The following FBXL17 variants were observed in gnomAD, a reference collection of about 807,000 sequenced individuals.
The protein encoded by FBXL17 is F-box/LRR-repeat protein 17.
In FBXL17, 22 loss-of-function variants were observed where a neutral mutation model predicts 66.2. That is an observed-to-expected ratio of 0.33 (90% CI 0.24 to 0.47). The LOEUF (loss-of-function observed/expected upper bound fraction) is 0.47, where lower values mean the gene tolerates loss of function less well. FBXL17 is among the 20% of genes least tolerant of loss of function. The pLI, the probability that FBXL17 is intolerant of heterozygous loss-of-function variation, is 1.00. For synonymous variants in FBXL17, 474 were observed against 400.5 expected (o/e 1.18, Z -2.19); for missense variants, 878 against 948.2 (o/e 0.93, Z 0.97).
intron 6 of FBXL17, among the ~76,000 whole-genome samples, chr5:108,041,724 C>G (rs1002778160): frequency 6.6e-6 from 1 of 152,018 alleles, no homozygotes; most frequent in East Asian, 1.9e-4. Flanking sequence ...AGCCCCTTTT[C>G]TTTAAATAAC....
In FBXL17 at chr5:107,891,945, G is replaced by A. The variant is rs143000600; in HGVS notation, c.1823-10766C>T. Among the ~76,000 whole-genome samples, 17 of 152,092 alleles carry A rather than the reference G, an allele frequency of 1.1e-4. No individual in the cohort carries two copies. The East Asian group carries it at 1.4e-3, about 12-fold the overall frequency. ...AAACCCATCGTAAGTTGAAAATATC[G>A]TAACTTGAAAGTGCATTTAATATAC... is the stretch of plus-strand genomic sequence containing the variant. On this transcript the variant is annotated intron_variant, in intron 7 of 8. Transcript: ENST00000542267.
intron 6 of FBXL17, among the ~76,000 whole-genome samples, chr5:108,142,602 A>G (rs1751392381): frequency 6.6e-6 from 1 of 152,232 alleles, no homozygotes; most frequent in South Asian, 2.1e-4. Flanking sequence ...AAATAATATT[A>G]ATTAGTAATA....
At chr5:108,288,298 A>G (rs1757979235) in intron 4 of FBXL17, among the ~76,000 whole-genome samples, 1 of 151,642 alleles carries the variant, frequency 6.6e-6, no homozygotes, top group Non-Finnish European at 1.5e-5. Context: ...TGAAGGTAAC[A>G]TTTAGAAAAA....
rs184903786 is a variant in FBXL17, at chr5:107,888,677, T to C, written c.1823-7498A>G. ...TGAGATCCATCCACGTTGTTATGTA[T>C]ACTGGTAGTGTTATGTATACTGGTA... On this transcript the variant is annotated intron_variant, in intron 7 of 8. Coordinates refer to ENST00000542267, the MANE Select transcript of FBXL17 (RefSeq NM_001163315.3). 1.4e-4 allele frequency among the ~76,000 whole-genome samples: 21 copies of C among 152,230 alleles called. No homozygotes were observed. In the East Asian group the frequency reaches 4.1e-3, roughly 30 times the overall value.
intron 6 of FBXL17, among the ~76,000 whole-genome samples, chr5:108,044,500 T>C (rs550372423): frequency 1.3e-5 from 2 of 152,208 alleles, no homozygotes; most frequent in South Asian, 4.1e-4. Flanking sequence ...TAAATTCCAG[T>C]TGGCCATAGT....
intron 1 of FBXL17, among the ~76,000 whole-genome samples, chr5:108,377,091 G>A (rs1749490468): frequency 1.3e-5 from 2 of 152,138 alleles, no homozygotes; most frequent in Admixed American, 6.5e-5. Context: ...TTAGTTTTCA[G>A]CTATGTACAT....
chr5:108,300,714 C>T (rs1035333215), intron 4 of FBXL17, among the ~76,000 whole-genome samples: 3 of 151,128 alleles, frequency 2.0e-5, no homozygotes, highest in South Asian at 4.2e-4. Flanking sequence ...TCTCATTCAC[C>T]CACAAATAAA....
chr5:108,002,669 A>C (rs966432001), intron 7 of FBXL17, among the ~76,000 whole-genome samples: 27 of 152,220 alleles, frequency 1.8e-4, no homozygotes, highest in African/African-American at 5.8e-4. Flanking sequence ...AAAGTGGTAT[A>C]GCCATAAAAT....
intron 6 of FBXL17, among the ~76,000 whole-genome samples, chr5:108,150,512 T>C (rs1751727469): frequency 6.6e-6 from 1 of 152,208 alleles, no homozygotes; most frequent in South Asian, 2.1e-4. Flanking sequence ...CCCCCAATCA[T>C]GTTCTTAACA....
At chr5:107,938,112 C>T (rs550668557) in intron 7 of FBXL17, among the ~76,000 whole-genome samples, 3 of 152,090 alleles carry the variant, frequency 2.0e-5, no homozygotes, top group Non-Finnish European at 2.9e-5. Context: ...AGCTTGAAGA[C>T]GTGCACTTGA....
At chr5:108,161,332 A>G (rs1208489525) in intron 6 of FBXL17, among the ~76,000 whole-genome samples, 1 of 152,146 alleles carries the variant, frequency 6.6e-6, no homozygotes, top group Non-Finnish European at 1.5e-5. Flanking sequence ...AAATACAAAA[A>G]AAAATTAGCC....
intron 7 of FBXL17, among the ~76,000 whole-genome samples, chr5:108,019,263 A>T (rs930041852): frequency 6.6e-6 from 1 of 152,150 alleles, no homozygotes; most frequent in Non-Finnish European, 1.5e-5. Context: ...CAAAGAACAA[A>T]GACAGAACTT....
At chr5:108,038,326 C>A (rs2112797903) in intron 6 of FBXL17, among the ~76,000 whole-genome samples, 1 of 151,410 alleles carries the variant, frequency 6.6e-6, no homozygotes, top group Non-Finnish European at 1.5e-5. Flanking sequence ...AAAAACCCAT[C>A]TGATAGAGAT....
At chr5:108,304,543 T>C (rs1262965694) in intron 4 of FBXL17, among the ~76,000 whole-genome samples, 1 of 151,960 alleles carries the variant, frequency 6.6e-6, no homozygotes, top group Non-Finnish European at 1.5e-5. Context: ...CTATCTGCTT[T>C]AATTTTGTAT....
At chr5:108,322,378 T>A (rs1392290225) in intron 4 of FBXL17, among the ~76,000 whole-genome samples, 2 of 151,932 alleles carry the variant, frequency 1.3e-5, no homozygotes, top group Non-Finnish European at 2.9e-5. Flanking sequence ...AACAATCTTA[T>A]GAACCAATTA....
At chr5:108,297,389 TTGC>T (rs955565762) in intron 4 of FBXL17, among the ~76,000 whole-genome samples, 1 of 151,726 alleles carries the variant, frequency 6.6e-6, no homozygotes, top group Non-Finnish European at 1.5e-5. Flanking sequence ...TTAACAATTG[TTGC>T]TGAATTTGCA....
At chr5:108,298,751 T>C (rs1758453821) in intron 4 of FBXL17, 1 of 758,906 alleles carries the variant, frequency 1.3e-6, no homozygotes, top group Non-Finnish European at 1.6e-6. Context: ...TAAATCCATG[T>C]TTGTTTATTC....
intron 6 of FBXL17, among the ~76,000 whole-genome samples, chr5:108,160,144 G>T (rs553823112): frequency 6.6e-6 from 1 of 152,260 alleles, no homozygotes; most frequent in East Asian, 1.9e-4. Flanking sequence ...ACAAAACCCA[G>T]ATCTTAAAAT....
At position 107,936,439 on chromosome 5, in the gene FBXL17, A is replaced by T. The variant is rs188060135; in HGVS notation, c.1823-55260T>A. Among the ~76,000 whole-genome samples the T allele has an allele frequency of 4.4e-3, 663 of 152,006 alleles. 4 individuals carry two copies. The highest frequency in any genetic ancestry group is 0.013 in the African/African-American group (557 of 41,492). ...TACTTAATTTACTATTTATTTTTTTAAAAAAAATTCCCAGGGGCTGAGAAT... is the reference window on the plus strand; with the variant it reads ...TACTTAATTTACTATTTATTTTTTTTAAAAAAATTCCCAGGGGCTGAGAAT... On this transcript the variant is annotated intron_variant, in intron 7 of 8. Transcript: ENST00000542267.
Sources: gnomAD v4.1 joint callset for allele counts (sites outside exome capture counted in the v4.1 genomes callset) on GRCh38, gnomAD v4.1.1 for gene constraint, MANE v1.5 for transcripts, NCBI Gene and HGNC (gene_info 2026-07-23, HGNC 2026-07-21) for gene names.